The following KPNA1 variants were observed in gnomAD, a reference collection of about 807,000 sequenced individuals.
The protein encoded by KPNA1 is karyopherin subunit alpha 1.
KPNA1 carries 10 observed loss-of-function variants against 70.5 expected under a neutral mutation model. The ratio of observed to expected loss-of-function variants is 0.14; its 90% CI spans 0.09 to 0.24. The LOEUF (loss-of-function observed/expected upper bound fraction) is 0.24, where lower values mean the gene tolerates loss of function less well. KPNA1 is among the 10% of genes least tolerant of loss of function. KPNA1 has a pLI of 1.00. For synonymous variants in KPNA1, 192 were observed against 221.9 expected (o/e 0.87, Z 1.20); for missense variants, 397 against 637.9 (o/e 0.62, Z 4.07).
chr3:122,493,648 A>G (rs1392486994), intron 2 of KPNA1, among the ~76,000 whole-genome samples: 2 of 152,232 alleles, frequency 1.3e-5, no homozygotes, highest in Non-Finnish European at 2.9e-5. Context: ...CTTACAGGAT[A>G]TGAGGAAGGA....
At chr3:122,452,195 G>A in intron 6 of KPNA1, 131 bp from the exon 7 acceptor site, 1 of 738,502 alleles carries the variant, frequency 1.4e-6, no homozygotes, top group Admixed American at 2.2e-5. Context: ...GGGGGAGGAA[G>A]ATAAATAATA....
At chr3:122,514,188 C>T (rs768133422) in intron 1 of KPNA1, among the ~76,000 whole-genome samples, 7 of 152,128 alleles carry the variant, frequency 4.6e-5, no homozygotes, top group Non-Finnish European at 1.0e-4. Context: ...GTTATGACAT[C>T]GGTAAACTGC....
chr3:122,428,533 T>C (rs555441203), intron 12 of KPNA1, among the ~76,000 whole-genome samples: 1 of 152,128 alleles, frequency 6.6e-6, no homozygotes, highest in Non-Finnish European at 1.5e-5. Flanking sequence ...ATTACTAATA[T>C]CATGAAAGAG....
rs994328513 is a variant in KPNA1 at position 122,460,259 on chromosome 3, A to C, written c.432+965T>G. On this transcript the variant is annotated intron_variant, in intron 5 of 13. Transcript: ENST00000344337. ...AAAATCATCAGTTTCTAAAAACCCA[A>C]CTTTATCCAGGGGGAAAAAAAATAG... is the stretch of plus-strand genomic sequence containing the variant. 3.0e-6 allele frequency: 3 copies of C among 984,974 alleles called. No individual in the cohort carries two copies. In the African/African-American group the frequency reaches 5.2e-5, roughly 17 times the overall value. 61.0% of individuals were successfully genotyped at this position (984,974 alleles called of 1,614,324 possible).
Position 122,426,738 on chromosome 3 carries a change from T to A in KPNA1, c.*247A>T, listed in dbSNP as rs2075828157. On this transcript the variant is annotated 3_prime_UTR_variant, in exon 14 of 14. Transcript: ENST00000344337. ...AATGTAAGTGCGGATCTCCAAAGCC[T>A]AGGGATTTTTCCGTAAAAGAGAGTG... is the stretch of plus-strand genomic sequence containing the variant. The A allele has an allele frequency of 2.5e-6, 1 of 396,676 alleles. No individual in the cohort carries two copies. The highest frequency in any genetic ancestry group is 4.5e-6 in the Non-Finnish European group (1 of 221,580). 24.6% of individuals were successfully genotyped at this position (396,676 alleles called of 1,614,324 possible).
chr3:122,422,976 C>T lies in KPNA1; in HGVS notation c.*4009G>A, dbSNP rs894277395. ...GTAGCAATTTGATATTTTAAATTAG[C>T]ATATAAATATTTGCTTTATCAGATA... On this transcript the variant is annotated 3_prime_UTR_variant, in exon 14 of 14. Transcript: ENST00000344337. 16 of 152,174 alleles carry T rather than the reference C, an allele frequency of 1.1e-4. No individual in the cohort carries two copies. Among genetic ancestry groups the T allele is most frequent in the African/African-American group, 3.9e-4 (16 of 41,426 alleles). The allele number at this position is 152,174 out of a possible 1,614,324, so 9.4% of individuals were successfully genotyped here. A position where few individuals can be genotyped will look rare whatever the true frequency, so the allele number is the denominator to read the frequency against.
At chr3:122,479,693 G>C (rs2076548807) in intron 2 of KPNA1, among the ~76,000 whole-genome samples, 1 of 152,192 alleles carries the variant, frequency 6.6e-6, no homozygotes, top group South Asian at 2.1e-4. Context: ...CAAGGAGGCA[G>C]AGGCTGCAGT....
intron 2 of KPNA1, 93 bp downstream of exon 2, chr3:122,496,344 A>ACACACACACC (rs1429340895): frequency 1.7e-6 from 2 of 1,160,676 alleles, no homozygotes; most frequent in African/African-American, 3.1e-5. Flanking sequence ...ACACACACAC[A>ACACACACACC]CACACCCCAA....
intron 3 of KPNA1, among the ~76,000 whole-genome samples, chr3:122,466,369 G>A (rs2107749198): frequency 6.6e-6 from 1 of 152,036 alleles, no homozygotes; most frequent in East Asian, 1.9e-4. Context: ...GCGGAAGAAA[G>A]ATTTTTCTTC....
intron 2 of KPNA1, among the ~76,000 whole-genome samples, chr3:122,493,332 C>T (rs573938229): frequency 6.7e-6 from 1 of 149,374 alleles, no homozygotes; most frequent in East Asian, 2.0e-4. Context: ...GAAATACTAC[C>T]CCACAATGAT....
At chr3:122,436,138 G>C (rs1053822551) in intron 11 of KPNA1, among the ~76,000 whole-genome samples, 3 of 152,154 alleles carry the variant, frequency 2.0e-5, no homozygotes, top group South Asian at 2.1e-4. Context: ...ATATGGTTGT[G>C]GATAAGGGAT....
At chr3:122,503,892 G>A (rs907181665) in intron 1 of KPNA1, among the ~76,000 whole-genome samples, 8 of 152,122 alleles carry the variant, frequency 5.3e-5, no homozygotes, top group Non-Finnish European at 1.0e-4. Flanking sequence ...CATTCTGGAA[G>A]AGGTAAAACC....
intron 12 of KPNA1, among the ~76,000 whole-genome samples, chr3:122,431,885 C>A (rs2075915090): frequency 1.3e-5 from 2 of 151,634 alleles, no homozygotes; most frequent in Admixed American, 6.6e-5. Context: ...CTCACTGCAA[C>A]CTCTGCCTCC....
intron 2 of KPNA1, among the ~76,000 whole-genome samples, chr3:122,487,626 T>C (rs2076644540): frequency 6.6e-6 from 1 of 152,172 alleles, no homozygotes; most frequent in Non-Finnish European, 1.5e-5. Context: ...AACCTTGAAG[T>C]CATTATGCTG....
intron 10 of KPNA1, among the ~76,000 whole-genome samples, chr3:122,440,761 G>T (rs930539175): frequency 6.6e-6 from 1 of 152,140 alleles, no homozygotes; most frequent in East Asian, 1.9e-4. Flanking sequence ...AGAACAACAG[G>T]ACTTAGTAAC....
At chr3:122,487,454 T>C (rs1402214270) in intron 2 of KPNA1, among the ~76,000 whole-genome samples, 2 of 152,232 alleles carry the variant, frequency 1.3e-5, no homozygotes, top group African/African-American at 2.4e-5. Flanking sequence ...AAGAGATATT[T>C]GCACTCTCAT....
At chr3:122,461,634 T>C (rs775499512) in intron 4 of KPNA1, among the ~76,000 whole-genome samples, 93 of 152,202 alleles carry the variant, frequency 6.1e-4, no homozygotes, top group Non-Finnish European at 9.4e-4. Flanking sequence ...TGTTAAGTGT[T>C]CTGGTATACT....
chr3:122,467,433 AAAGAT>A lies in KPNA1; in HGVS notation c.130-9_130-5del, dbSNP rs1471880808. 6.4e-7 allele frequency: 1 copy of A among 1,560,702 alleles called. No homozygotes were observed. The highest frequency in any genetic ancestry group is 1.4e-5 in the African/African-American group (1 of 73,762). Reference sequence around the variant, plus strand: ...CAACATTTCTCCGCTTGAATAACTGAAAGATAAAAGATTGGTAGCAATGTAAATGT... The same window carrying A: ...CAACATTTCTCCGCTTGAATAACTGAAAAAGATTGGTAGCAATGTAAATGT... On this transcript the variant is annotated splice_polypyrimidine_tract_variant and splice_region_variant and intron_variant, in intron 2 of 13. Transcript: ENST00000344337.
chr3:122,429,560 T>TA (rs887877192), intron 12 of KPNA1, among the ~76,000 whole-genome samples: 104 of 144,394 alleles, frequency 7.2e-4, no homozygotes, highest in African/African-American at 1.3e-3. Context: ...ACTGATGATC[T>TA]AAAAAAAAAA....
Sources: gnomAD v4.1 joint callset for allele counts (sites outside exome capture counted in the v4.1 genomes callset) on GRCh38, gnomAD v4.1.1 for gene constraint, MANE v1.5 for transcripts, NCBI Gene and HGNC (gene_info 2026-07-23, HGNC 2026-07-21) for gene names.